The following PIWIL1 variants were observed in gnomAD, a reference collection of about 807,000 sequenced individuals.
PIWIL1 encodes piwi like RNA-mediated gene silencing 1.
Under a neutral mutation model 114.4 loss-of-function variants are expected in PIWIL1, and 73 were observed. The ratio of observed to expected loss-of-function variants is 0.64; its 90% confidence interval spans 0.53 to 0.78. The LOEUF (loss-of-function observed/expected upper bound fraction) is 0.78. Among genes scored for constraint, PIWIL1 ranks in the 30% least tolerant of loss-of-function variants. The pLI, the probability that PIWIL1 is intolerant of heterozygous loss-of-function variation, is 0.00. For missense variants in PIWIL1, 723 were observed against 1,063.1 expected, an observed-to-expected ratio of 0.68 and a Z score of 4.45; for synonymous variants, 375 against 369.0, an observed-to-expected ratio of 1.02 and a Z score of -0.19.
chr12:130,402,058 T>G, the PIWIL1 span, among the ~76,000 whole-genome samples: 7 of 152,212 alleles, frequency 4.6e-5, no homozygotes, highest in Non-Finnish European at 8.8e-5. Context: ...TCTTTTGGGC[T>G]GAACACACAC....
intron 1 of PIWIL1, among the ~76,000 whole-genome samples, chr12:130,339,019 A>C (rs903153469): frequency 3.3e-5 from 5 of 151,702 alleles, no homozygotes; most frequent in African/African-American, 9.7e-5. Flanking sequence ...GGCCTTCGGG[A>C]CCTCCCGCAC....
chr12:130,392,006 C>A, the PIWIL1 span, among the ~76,000 whole-genome samples: 1 of 152,220 alleles, frequency 6.6e-6, no homozygotes, highest in Non-Finnish European at 1.5e-5. Flanking sequence ...GACCCAGTCA[C>A]CGTCATCACG....
At position 130,361,293 on chromosome 12, in the gene PIWIL1, A is replaced by G. The variant is rs138228908; in HGVS notation, c.1779A>G (p.Lys593=). 1.1e-3 allele frequency: 1,767 copies of G among 1,614,004 alleles called. 13 individuals are homozygous for G. The African/African-American group carries it at 0.018, about 16-fold the overall frequency. Reference sequence around the variant, plus strand: ...GTGTGGTGGCCCGAACCTTAGGCAAACAGCAAACTGTCATGGCCATTGCTA... The same window carrying G: ...GTGTGGTGGCCCGAACCTTAGGCAAGCAGCAAACTGTCATGGCCATTGCTA... ...SQCVVARTLG[K]QQTVMAIATK... Residue 593 remains lysine (K), a synonymous_variant, in exon 15 of 21, where the codon AAA becomes AAG. Transcript: ENST00000245255.
At chr12:130,419,339 G>T in the PIWIL1 span, among the ~76,000 whole-genome samples, 2 of 152,182 alleles carry the variant, frequency 1.3e-5, no homozygotes, top group Non-Finnish European at 2.9e-5. This position sits in a 1 kb window ranked among gnomAD's most constrained non-coding sequence, Gnocchi z 4.3. Flanking sequence ...TGCATATCGT[G>T]TGGGAGATCA....
chr12:130,377,885 A>G, the PIWIL1 span, among the ~76,000 whole-genome samples: 1 of 152,188 alleles, frequency 6.6e-6, no homozygotes, highest in Non-Finnish European at 1.5e-5. Context: ...ATTTGGTCCC[A>G]GGCCCTGTGA....
Position 130,367,051 on chromosome 12 carries a change from T to C in PIWIL1, c.2196-82T>C. Reference sequence around the variant, plus strand: ...CAGGAGGGATGTGTTCCTTTTTAAATGGAGCATGTGAACACCTGAATGAAT... The same window carrying C: ...CAGGAGGGATGTGTTCCTTTTTAAACGGAGCATGTGAACACCTGAATGAAT... On this transcript the variant is annotated intron_variant, in intron 18 of 20. Coordinates refer to ENST00000245255, the MANE Select transcript of PIWIL1 (RefSeq NM_004764.5). 2.0e-6 allele frequency: 3 copies of C among 1,502,038 alleles called. 1 individual carries two copies. The highest frequency in any genetic ancestry group is 2.8e-6 in the Non-Finnish European group (3 of 1,087,992). The allele number at this position is 1,502,038 out of a possible 1,614,324, so 93.0% of individuals were successfully genotyped here. A position where few individuals can be genotyped will look rare whatever the true frequency, so the allele number is the denominator to read the frequency against.
At chr12:130,424,460 G>A in the PIWIL1 span, 121 of 1,232,126 alleles carry the variant, frequency 9.8e-5, no homozygotes, top group East Asian at 4.1e-4. This position sits in a 1 kb window ranked among gnomAD's most constrained non-coding sequence, Gnocchi z 9.8. Flanking sequence ...ACGCGGCCAC[G>A]GTGTTTCCGA....
the PIWIL1 span, among the ~76,000 whole-genome samples, chr12:130,421,847 G>GAT: frequency 2.6e-5 from 4 of 152,292 alleles, no homozygotes; most frequent in Admixed American, 2.6e-4. Flanking sequence ...TCCATGGATT[G>GAT]ATTAGGATGA....
rs1269939352 is a variant in PIWIL1, at chr12:130,357,558, GTAAC to G, written c.1665+9_1665+12del. ...GTCACAGCAGACACCCAGATAGTAA[GTAAC>G]TAATTGACATATAGGCAGTTTTCGG... is the stretch of plus-strand genomic sequence containing the variant. On this transcript the variant is annotated splice_donor_region_variant and intron_variant, in intron 14 of 20. Transcript: ENST00000245255. 1 of 1,596,680 alleles carries G rather than the reference GTAAC, an allele frequency of 6.3e-7. No individual in the cohort carries two copies. Among genetic ancestry groups the G allele is most frequent in the Non-Finnish European group, 8.6e-7 (1 of 1,164,482 alleles).
In PIWIL1 at chr12:130,358,899, C is replaced by T. The variant is rs145636733; in HGVS notation, c.1665+1346C>T. Among the ~76,000 whole-genome samples the T allele has an allele frequency of 3.1e-3, 469 of 152,252 alleles. 2 individuals are homozygous for T. The highest frequency in any genetic ancestry group is 9.9e-3 in the African/African-American group (413 of 41,536). On this transcript the variant is annotated intron_variant, in intron 14 of 20. Coordinates refer to ENST00000245255, the MANE Select transcript of PIWIL1 (RefSeq NM_004764.5). ...AGCATGTTGTACGACTATGGCCTGT[C>T]GTTGTTCACCATGGTGTGCTTTAGG...
chr12:130,366,613 C>A (rs11060844), intron 18 of PIWIL1: 3 of 152,260 alleles, frequency 2.0e-5, no homozygotes, highest in African/African-American at 7.3e-5. Context: ...CGGTGAAACA[C>A]GAGTATGAAA....
chr12:130,350,978 C>G (rs2073194842), intron 9 of PIWIL1: 1 of 152,132 alleles, frequency 6.6e-6, no homozygotes, highest in Non-Finnish European at 1.5e-5. Context: ...TTATTCCTGG[C>G]AAGATGGAAA....
rs745720503 is a variant in PIWIL1, at chr12:130,363,002, G to A, written c.2053G>A (p.Ala685Thr). Residue 685 changes from alanine to threonine, a missense_variant, in exon 18 of 21, where the codon GCT (alanine) becomes ACT (threonine). Physicochemically the swap from Ala to Thr is moderately conservative, Grantham distance 58 (BLOSUM62 0). Around this residue, in one of 8 missense-constraint regions of PIWIL1, gnomAD observed 31 missense variants for 30.2 expected, o/e 1.03. Coordinates refer to ENST00000245255, the MANE Select transcript of PIWIL1 (RefSeq NM_004764.5). ...LKVCLQAALRAWNSCNEYMPS... is the reference protein window; with the variant it reads ...LKVCLQAALRTWNSCNEYMPS... ...CTGGCCTGTTTCAGCGGCTCTGAGG[G>A]CTTGGAATAGCTGCAATGAGTACAT... 1 of 1,614,100 alleles carries A rather than the reference G, an allele frequency of 6.2e-7. No individual in the cohort carries two copies. Among genetic ancestry groups the A allele is most frequent in the Admixed American group, 1.7e-5 (1 of 60,028 alleles).
At chr12:130,357,585 C>T (rs199951275) in intron 14 of PIWIL1, 32 bp downstream of exon 14, 60 of 1,457,124 alleles carry the variant, frequency 4.1e-5, no homozygotes, top group Middle Eastern at 1.7e-4. Context: ...AGGCAGTTTT[C>T]GGTGAAAGAG....
At chr12:130,424,977 G>T in the PIWIL1 span, 1 of 508,126 alleles carries the variant, frequency 2.0e-6, no homozygotes, top group Non-Finnish European at 3.0e-6. The surrounding 1 kb of genome is among the most constrained non-coding windows in gnomAD (Gnocchi z 9.8). Context: ...CGAGGGGGGG[G>T]AAGCATGCGT....
intron 1 of PIWIL1, among the ~76,000 whole-genome samples, chr12:130,339,270 T>A (rs554960561): frequency 3.6e-4 from 54 of 151,928 alleles, no homozygotes; most frequent in Non-Finnish European, 6.6e-4. Context: ...GGCGGGGCGG[T>A]GGCGTCCTGG....
chr12:130,403,927 C>T, the PIWIL1 span, among the ~76,000 whole-genome samples: 2 of 152,116 alleles, frequency 1.3e-5, no homozygotes, highest in Admixed American at 6.5e-5. Context: ...ATACTTTCTC[C>T]GTATTATAAA....
At chr12:130,404,676 CT>C in the PIWIL1 span, among the ~76,000 whole-genome samples, 1 of 152,090 alleles carries the variant, frequency 6.6e-6, no homozygotes, top group Admixed American at 6.5e-5. Flanking sequence ...AAAGGAAAAA[CT>C]TTTTAAGAGG....
chr12:130,423,236 G>A, the PIWIL1 span, among the ~76,000 whole-genome samples: 1 of 152,196 alleles, frequency 6.6e-6, no homozygotes, highest in Non-Finnish European at 1.5e-5. Flanking sequence ...AAGTTCTCAG[G>A]AACACAGGCA....
Sources: allele counts gnomAD v4.1 joint callset (sites outside exome capture counted in the v4.1 genomes callset), GRCh38; gene constraint gnomAD v4.1.1; regional missense constraint gnomAD v4.1.1; non-coding constraint Gnocchi (gnomAD v3.1); transcripts MANE v1.5; gene names NCBI Gene and HGNC (gene_info 2026-07-23, HGNC 2026-07-21).